The following CYTH1 variants were observed in gnomAD, a reference collection of about 807,000 sequenced individuals.
The protein encoded by CYTH1 is cytohesin-1.
In CYTH1, 18 loss-of-function variants were observed where a neutral mutation model predicts 61.8. That is an observed-to-expected ratio of 0.29 (90% CI 0.20 to 0.43). The LOEUF is 0.43. CYTH1 is among the 20% of genes least tolerant of loss of function. The pLI is 1.00. For missense variants in CYTH1, 336 were observed against 510.5 expected (o/e 0.66, Z 3.29); for synonymous variants, 174 against 184.3 (o/e 0.94, Z 0.45).
intron 11 of CYTH1, among the ~76,000 whole-genome samples, chr17:78,690,682 G>A (rs1039818853): frequency 1.3e-5 from 2 of 151,998 alleles, no homozygotes; most frequent in East Asian, 1.9e-4. Flanking sequence ...CTGGGAGACA[G>A]AGCGAGACTC....
Position 78,700,520 on chromosome 17 carries a change from A to ATT in CYTH1, c.438-79_438-78dup. On this transcript the variant is annotated intron_variant, in intron 6 of 13. Transcript: ENST00000446868. The surrounding 1 kb of genome is among the most constrained non-coding windows in gnomAD (Gnocchi z 5.1). ...TCTATGAATTGTTAAACTGCCAATGATTTTTTTTTTCTTTTTTTTTTTGAG... is the reference window on the plus strand; with the variant it reads ...TCTATGAATTGTTAAACTGCCAATGATTTTTTTTTTTTCTTTTTTTTTTTGAG... 9 of 1,050,398 alleles carry ATT rather than the reference A, an allele frequency of 8.6e-6. No individual in the cohort carries two copies. Among genetic ancestry groups the ATT allele is most frequent in the Non-Finnish European group, 1.1e-5 (8 of 748,282 alleles). 65.1% of individuals were successfully genotyped at this position (1,050,398 alleles called of 1,614,324 possible). A position where few individuals can be genotyped will look rare whatever the true frequency, so the allele number is the denominator to read the frequency against.
intron 1 of CYTH1, among the ~76,000 whole-genome samples, chr17:78,712,996 A>G (rs1366649438): frequency 1.3e-5 from 2 of 151,916 alleles, no homozygotes; most frequent in Admixed American, 1.3e-4. Context: ...GCAATCCATC[A>G]GCATTATGTG....
chr17:78,709,644 T>C lies in CYTH1; in HGVS notation c.105+6A>G. ...CGTTGGTGAAACCACCATGCCACTC[T>C]CCTACCTGAATGTCAGCCAGCAGCT... On this transcript the variant is annotated splice_donor_region_variant and intron_variant, in intron 2 of 13. Transcript: ENST00000446868. 1.2e-6 allele frequency: 2 copies of C among 1,614,220 alleles called. No individual in the cohort carries two copies. Among genetic ancestry groups the C allele is most frequent in the South Asian group, 1.1e-5 (1 of 91,086 alleles).
At chr17:78,692,077 G>C (rs186235154) in intron 11 of CYTH1, 3 of 238,746 alleles carry the variant, frequency 1.3e-5, no homozygotes, top group African/African-American at 4.6e-5. Context: ...TTTCAATTAG[G>C]GCCACATACT....
chr17:78,736,987 A>G (rs2093323372), intron 1 of CYTH1: 1 of 155,852 alleles, frequency 6.4e-6, no homozygotes, highest in South Asian at 1.6e-4. Context: ...GAGCTCAAGC[A>G]CCTTCCGAGT....
chr17:78,725,597 AC>A (rs1416128414), intron 1 of CYTH1, among the ~76,000 whole-genome samples: 1 of 152,152 alleles, frequency 6.6e-6, no homozygotes, highest in Non-Finnish European at 1.5e-5. Flanking sequence ...GTGACTCTCT[AC>A]AGAAGACTCA....
At chr17:78,780,691 C>G (rs2093513262) in intron 1 of CYTH1, among the ~76,000 whole-genome samples, 1 of 152,056 alleles carries the variant, frequency 6.6e-6, no homozygotes, top group Admixed American at 6.6e-5. Context: ...GGTAACATGG[C>G]AAGACCCCAT....
chr17:78,679,576 CAT>C (rs1192171762), intron 13 of CYTH1, among the ~76,000 whole-genome samples: 17 of 152,204 alleles, frequency 1.1e-4, no homozygotes, highest in African/African-American at 3.9e-4. Flanking sequence ...ATACTTGTCA[CAT>C]GAGGAAATTT....
intron 1 of CYTH1, among the ~76,000 whole-genome samples, chr17:78,752,820 T>C (rs2093385668): frequency 6.6e-6 from 1 of 152,216 alleles, no homozygotes; most frequent in African/African-American, 2.4e-5. Context: ...AATGTGATTA[T>C]ACAGATTAAA....
chr17:78,698,211 A>G (rs3744804), intron 9 of CYTH1, 58 bp downstream of exon 9: 57,902 of 1,420,282 alleles, frequency 0.041, 2,902 homozygotes, highest in African/African-American at 0.19. Flanking sequence ...ACACGCACAC[A>G]CACCGCCTTT....
At chr17:78,690,981 A>C (rs2092879199) in intron 11 of CYTH1, among the ~76,000 whole-genome samples, 1 of 152,228 alleles carries the variant, frequency 6.6e-6, no homozygotes, top group Non-Finnish European at 1.5e-5. Flanking sequence ...AAAAAAGGCA[A>C]AATATAGGGC....
At chr17:78,763,161 T>C (rs185541231) in intron 1 of CYTH1, among the ~76,000 whole-genome samples, 92 of 152,130 alleles carry the variant, frequency 6.0e-4, no homozygotes, top group Admixed American at 2.1e-3. Flanking sequence ...CTGGCCAACG[T>C]GGTAAAACCC....
At chr17:78,734,221 A>C (rs1218243809) in intron 1 of CYTH1, among the ~76,000 whole-genome samples, 1 of 151,560 alleles carries the variant, frequency 6.6e-6, no homozygotes, top group Admixed American at 6.6e-5. Context: ...CAGCCTCGGC[A>C]ACAGAGCGAG....
Position 78,700,435 on chromosome 17 carries a change from AG to A in CYTH1, c.445del (p.Leu149CysfsTer16), listed in dbSNP as rs1373930033. The A allele has an allele frequency of 2.5e-6, 4 of 1,612,354 alleles. No homozygotes were observed. The highest frequency in any genetic ancestry group is 1.3e-5 in the African/African-American group (1 of 74,882). On this transcript the variant is annotated frameshift_variant, in exon 7 of 14. Transcript: ENST00000446868. LOFTEE classifies it high-confidence loss of function. This position sits in a 1 kb window ranked among gnomAD's most constrained non-coding sequence, Gnocchi z 5.1. ...LNLVQALRQF[L>X]WSFRLPGEAQ... Reference sequence around the variant, plus strand: ...CTCTCCGGGTAGCCGGAAGCTCCACAGGAACTGCCTGAGTGGGTAAAGACAG... The same window carrying A: ...CTCTCCGGGTAGCCGGAAGCTCCACAGAACTGCCTGAGTGGGTAAAGACAG...
chr17:78,724,229 G>A (rs893300073), intron 1 of CYTH1, among the ~76,000 whole-genome samples: 4 of 152,116 alleles, frequency 2.6e-5, no homozygotes, highest in African/African-American at 4.8e-5. Context: ...CACCAAGGGC[G>A]CCTGTTAAAC....
intron 1 of CYTH1, among the ~76,000 whole-genome samples, chr17:78,741,266 G>A (rs2093340804): frequency 6.6e-6 from 1 of 152,168 alleles, no homozygotes; most frequent in Non-Finnish European, 1.5e-5. Flanking sequence ...TGGGAGTTGT[G>A]GTTCATGTCT....
chr17:78,719,263 G>C lies in CYTH1; in HGVS notation c.23-9531C>G, dbSNP rs963083105. 2.0e-5 allele frequency among the ~76,000 whole-genome samples: 3 copies of C among 152,170 alleles called. No individual in the cohort carries two copies. The East Asian group carries it at 5.8e-4, about 29-fold the overall frequency. ...CTCAAAGCAAACAGTAAGCTAAGAG[G>C]TTGCTTCCTGAGCAGAGTACTGTTT... On this transcript the variant is annotated intron_variant, in intron 1 of 13. Transcript: ENST00000446868.
intron 1 of CYTH1, among the ~76,000 whole-genome samples, chr17:78,739,151 A>G (rs1302070198): frequency 6.6e-6 from 1 of 152,244 alleles, no homozygotes; most frequent in Non-Finnish European, 1.5e-5. Flanking sequence ...CATTTTTTAA[A>G]TGATTTGTAG....
intron 1 of CYTH1, among the ~76,000 whole-genome samples, chr17:78,719,002 G>A (rs973615393): frequency 1.3e-5 from 2 of 152,212 alleles, no homozygotes; most frequent in African/African-American, 2.4e-5. Context: ...GGTTCCTTCC[G>A]GCAGGAGCAG....
Sources: gnomAD v4.1 joint callset for allele counts (sites outside exome capture counted in the v4.1 genomes callset) on GRCh38, gnomAD v4.1.1 for gene constraint, Gnocchi (gnomAD v3.1) non-coding constraint, MANE v1.5 for transcripts, NCBI Gene and HGNC (gene_info 2026-07-23, HGNC 2026-07-21) for gene names.